TNNT2: variants seen among roughly 807,000 people sequenced by gnomAD.
The protein encoded by TNNT2 is troponin T, cardiac muscle.
A neutral mutation model predicts 62.4 loss-of-function variants in TNNT2; 34 were observed. The ratio of observed to expected loss-of-function variants is 0.54; its 90% CI spans 0.41 to 0.72. The LOEUF (loss-of-function observed/expected upper bound fraction) is 0.72, where lower values mean the gene tolerates loss of function less well. Among genes scored for constraint, TNNT2 ranks in the 30% least tolerant of loss-of-function variants. The pLI is 0.00. For synonymous variants in TNNT2, 123 were observed against 127.2 expected (o/e 0.97, Z 0.22); for missense variants, 275 against 381.9 (o/e 0.72, Z 2.33).
Position 201,364,084 on chromosome 1 carries a change from C to T in TNNT2, c.489+214G>A, listed in dbSNP as rs930012399. On this transcript the variant is annotated intron_variant, in intron 11 of 16. Transcript: ENST00000656932. Reference sequence around the variant, plus strand: ...TATTTTTAGTAGAGACAGGGTTTCTCCGTTGGTCAGGATGGTCTCGAACTC... The same window carrying T: ...TATTTTTAGTAGAGACAGGGTTTCTTCGTTGGTCAGGATGGTCTCGAACTC... 5.9e-5 allele frequency: 33 copies of T among 563,144 alleles called. No homozygotes were observed. The Middle Eastern group carries it at 1.4e-3, about 24-fold the overall frequency. The allele number at this position is 563,144 out of a possible 1,614,324, so 34.9% of individuals were successfully genotyped here.
intron 8 of TNNT2, chr1:201,366,400 C>A: frequency 1.5e-5 from 16 of 1,070,904 alleles, no homozygotes; most frequent in Non-Finnish European, 1.8e-5. Context: ...GTGGGCTTCA[C>A]GTGTGTGGCA....
chr1:201,362,410 A>G lies in TNNT2; in HGVS notation c.601-16T>C, dbSNP rs1482209650. ...CCTGGGCCTGCTAAACCGGGAAACC[A>G]TGAGAGAGAGGCCCATAGAAAAAGA... On this transcript the variant is annotated splice_polypyrimidine_tract_variant and intron_variant, in intron 12 of 16. Coordinates refer to ENST00000656932, the MANE Select transcript of TNNT2 (RefSeq NM_001276345.2). 2.5e-6 allele frequency: 4 copies of G among 1,613,778 alleles called. No homozygotes were observed. The highest frequency in any genetic ancestry group is 3.4e-6 in the Non-Finnish European group (4 of 1,179,890).
intron 10 of TNNT2, 29 bp downstream of exon 10, chr1:201,365,159 GAGA>G (rs1428165903): frequency 6.4e-7 from 1 of 1,558,500 alleles, no homozygotes; most frequent in African/African-American, 1.4e-5. Context: ...TGGGCCATCA[GAGA>G]ATGTTAGGTG....
In TNNT2 at chr1:201,364,324, C is replaced by A; in HGVS notation, c.463G>T (p.Glu155Ter). 6.2e-7 allele frequency: 1 copy of A among 1,613,262 alleles called. No individual in the cohort carries two copies. Among genetic ancestry groups the A allele is most frequent in the Non-Finnish European group, 8.5e-7 (1 of 1,179,994 alleles). The change falls in exon 11 of 17, where the codon GAG becomes TAG. Residue 155 changes from glutamate (E) to a stop codon, truncating the protein, a stop_gained. Transcript: ENST00000656932. LOFTEE classifies it high-confidence loss of function. ...AEQQRIRNER[E>*]KERQNRLAEE... ...GCCAGGCGGTTCTGCCGCTCCTTCT[C>A]CCGCTCATTCCGGATGCGCTGCTGC...
Position 201,359,093 on chromosome 1 carries a change from C to T in TNNT2, c.*117G>A. On this transcript the variant is annotated 3_prime_UTR_variant, in exon 17 of 17. Transcript: ENST00000656932. ...GAGTGGTGGCTCCCACCTAGGCCAG[C>T]TCCCCATTTCCAAACAGGAGCTGCC... 1 of 1,366,702 alleles carries T rather than the reference C, an allele frequency of 7.3e-7. No homozygotes were observed. Among genetic ancestry groups the T allele is most frequent in the Non-Finnish European group, 1.0e-6 (1 of 980,584 alleles). 84.7% of individuals were successfully genotyped at this position (1,366,702 alleles called of 1,614,324 possible).
rs566325129 is a variant in TNNT2, at chr1:201,366,522, G to A, written c.233+316C>T. 1.8e-4 allele frequency: 228 copies of A among 1,240,014 alleles called. 1 individual carries two copies. The African/African-American group carries it at 2.8e-3, about 15-fold the overall frequency. 76.8% of individuals were successfully genotyped at this position (1,240,014 alleles called of 1,614,324 possible). A position where few individuals can be genotyped will look rare whatever the true frequency, so the allele number is the denominator to read the frequency against. On this transcript the variant is annotated intron_variant, in intron 8 of 16. Transcript: ENST00000656932. ...TCCCTTAATCCCAAGGTCCCACCTC[G>A]GCCATGGAGGAGGGTGTTCTGGCCA...
intron 10 of TNNT2, 36 bp from the exon 11 acceptor site, chr1:201,364,411 T>C (rs748903616): frequency 5.6e-6 from 9 of 1,604,860 alleles, no homozygotes; most frequent in East Asian, 2.2e-5. Flanking sequence ...CAGGTGTGCA[T>C]AGGGAGAAGG....
chr1:201,366,523 G>C (rs1659697656), intron 8 of TNNT2: 1 of 1,246,890 alleles, frequency 8.0e-7, no homozygotes, highest in African/African-American at 1.5e-5. Flanking sequence ...TCCCACCTCG[G>C]CCATGGAGGA....
At position 201,372,040 on chromosome 1, in the gene TNNT2, T is replaced by C. The variant is rs754664870; in HGVS notation, c.54A>G (p.Glu18=). The C allele has an allele frequency of 6.4e-7, 1 of 1,566,334 alleles. No individual in the cohort carries two copies. The highest frequency in any genetic ancestry group is 1.1e-5 in the South Asian group (1 of 89,144). The change falls in exon 4 of 17, where the codon GAA becomes GAG. Residue 18 remains glutamate, a splice_region_variant and synonymous_variant. Coordinates refer to ENST00000656932, the MANE Select transcript of TNNT2 (RefSeq NM_001276345.2). The part of the protein sequence containing the change: ...VEEYEEEEQE[E]AAVEEEEDWR... The stretch of plus-strand genomic sequence containing the variant: ...TGAGGCACATACCTTCAACAGCTGC[T>C]TCTGCTCAGAAGAGAAGTCCAGGCA...
intron 15 of TNNT2, chr1:201,361,050 G>A (rs1571598549): frequency 8.1e-6 from 5 of 613,934 alleles, no homozygotes; most frequent in African/African-American, 5.5e-5. Context: ...CCAGGAAAGT[G>A]TCTCTGCTCA....
intron 8 of TNNT2, chr1:201,366,431 T>C: frequency 9.0e-7 from 1 of 1,116,642 alleles, no homozygotes; most frequent in Non-Finnish European, 1.1e-6. Context: ...CTGCCCTCTC[T>C]CAGCTCTCTG....
chr1:201,376,092 T>A (rs1026204774), intron 1 of TNNT2, among the ~76,000 whole-genome samples: 3 of 152,158 alleles, frequency 2.0e-5, no homozygotes, highest in Admixed American at 1.3e-4. Flanking sequence ...GGAACCAGAA[T>A]GTCCTGAAAC....
chr1:201,363,275 C>A lies in TNNT2; in HGVS notation c.600+21G>T, dbSNP rs774285949. 6 of 1,613,646 alleles carry A rather than the reference C, an allele frequency of 3.7e-6. No individual in the cohort carries two copies. The East Asian group carries it at 1.1e-4, about 30-fold the overall frequency. ...GGGCTATACTAGGATCTCCTGGCAA[C>A]CCCTGCTGCTCCCTACCTACCTTCT... is the stretch of plus-strand genomic sequence containing the variant. On this transcript the variant is annotated intron_variant, in intron 12 of 16. Coordinates refer to ENST00000656932, the MANE Select transcript of TNNT2 (RefSeq NM_001276345.2).
rs3730244 is a variant in TNNT2 at position 201,359,139 on chromosome 1, G to A, written c.*71C>T. The A allele has an allele frequency of 0.022, 35,222 of 1,568,226 alleles. 475 individuals carry two copies. Among genetic ancestry groups the A allele is most frequent in the Non-Finnish European group, 0.027 (31,517 of 1,155,706 alleles). The stretch of plus-strand genomic sequence containing the variant: ...CTGCCTGGGGTGCCCAGGAGGGCCC[G>A]GGAACTGGGGGAGTGCAGGCCGGAG... On this transcript the variant is annotated 3_prime_UTR_variant, in exon 17 of 17. Coordinates refer to ENST00000656932, the MANE Select transcript of TNNT2 (RefSeq NM_001276345.2).
chr1:201,366,480 G>A, intron 8 of TNNT2: 1 of 1,171,122 alleles, frequency 8.5e-7, no homozygotes, highest in Non-Finnish European at 1.1e-6. Context: ...TCATTGTTTG[G>A]CTCCCCACAA....
intron 1 of TNNT2, among the ~76,000 whole-genome samples, chr1:201,377,209 G>A (rs765493610): frequency 5.9e-5 from 9 of 152,146 alleles, no homozygotes; most frequent in East Asian, 1.9e-4. Flanking sequence ...GGTGACCCTC[G>A]GCCTGGAACA....
rs533409755 is a variant in TNNT2, at chr1:201,370,136, C to G, written c.68-291G>C. The stretch of plus-strand genomic sequence containing the variant: ...CGTGCATAGAGCGCCCAGCAGGTGC[C>G]TGGCACAAGAGGAGCATGCGATCTG... On this transcript the variant is annotated intron_variant, in intron 4 of 16. Transcript: ENST00000656932. Among the ~76,000 whole-genome samples, 6 of 152,360 alleles carry G rather than the reference C, an allele frequency of 3.9e-5. No individual in the cohort carries two copies. The East Asian group carries it at 7.7e-4, about 20-fold the overall frequency.
chr1:201,367,228 C>T (rs541914182), intron 7 of TNNT2: 7 of 429,108 alleles, frequency 1.6e-5, no homozygotes, highest in African/African-American at 1.2e-4. Flanking sequence ...CTAGAATCCC[C>T]TCCCAGGTCT....
At chr1:201,365,116 G>A in intron 10 of TNNT2, 75 bp downstream of exon 10, 1 of 1,278,094 alleles carries the variant, frequency 7.8e-7, no homozygotes, top group South Asian at 1.2e-5. Context: ...GTCTGGAGGA[G>A]GTGGGGCCTC....
Sources: gnomAD v4.1 joint callset for allele counts (sites outside exome capture counted in the v4.1 genomes callset) on GRCh38, gnomAD v4.1.1 for gene constraint, MANE v1.5 for transcripts, NCBI Gene and HGNC (gene_info 2026-07-23, HGNC 2026-07-21) for gene names.